Variants in NUDC observed in about 807,000 individuals in gnomAD.
NUDC encodes nuclear distribution C, dynein complex regulator.
In NUDC, 14 loss-of-function variants were observed where a neutral mutation model predicts 45.0. The ratio of observed to expected loss-of-function variants is 0.31; its 90% CI spans 0.21 to 0.49. The LOEUF (loss-of-function observed/expected upper bound fraction) is 0.49, where lower values mean the gene tolerates loss of function less well. NUDC is among the 20% of genes least tolerant of loss of function. The pLI, the probability that NUDC is intolerant of heterozygous loss-of-function variation, is 0.99. For synonymous variants in NUDC, 153 were observed against 156.7 expected (o/e 0.98, Z 0.17); for missense variants, 323 against 426.2 (o/e 0.76, Z 2.13).
intron 2 of NUDC, among the ~76,000 whole-genome samples, chr1:26,924,511 C>T (rs1438395838): frequency 1.3e-5 from 2 of 152,170 alleles, no homozygotes; most frequent in Non-Finnish European, 2.9e-5. Context: ...TCCTCTGCCC[C>T]GACACAGTGC....
chr1:26,905,168 T>A, intron 2 of NUDC, among the ~76,000 whole-genome samples: 1 of 139,656 alleles, frequency 7.2e-6, no homozygotes, highest in Non-Finnish European at 1.6e-5. Flanking sequence ...TTTTTTTTTT[T>A]TTTTTTTTTT....
chr1:26,943,298 C>T (rs998811072), intron 6 of NUDC, among the ~76,000 whole-genome samples: 2 of 152,276 alleles, frequency 1.3e-5, no homozygotes, highest in East Asian at 3.9e-4. Context: ...GCCTTGAACC[C>T]TTGGGCCCAA....
intron 2 of NUDC, among the ~76,000 whole-genome samples, chr1:26,909,014 G>A (rs549335746): frequency 8.6e-5 from 13 of 151,670 alleles, no homozygotes; most frequent in Admixed American, 4.6e-4. Flanking sequence ...TCACTCTGTC[G>A]CCCAAGCTGG....
At position 26,941,738 on chromosome 1, in the gene NUDC, T is replaced by C; in HGVS notation, c.364-15T>C. On this transcript the variant is annotated splice_polypyrimidine_tract_variant and intron_variant, in intron 3 of 8. Coordinates refer to ENST00000321265, the MANE Select transcript of NUDC (RefSeq NM_006600.4). Reference sequence around the variant, plus strand: ...AGTGGGGTCCTGTTGCCAACTGCTGTGCTCTTTGCCCCAGAAAAAGGATGC... The same window carrying C: ...AGTGGGGTCCTGTTGCCAACTGCTGCGCTCTTTGCCCCAGAAAAAGGATGC... 6.2e-7 allele frequency: 1 copy of C among 1,614,150 alleles called. No homozygotes were observed. Among genetic ancestry groups the C allele is most frequent in the Non-Finnish European group, 8.5e-7 (1 of 1,180,024 alleles).
intron 1 of NUDC, 162 bp downstream of exon 1, chr1:26,922,091 G>A: frequency 1.4e-6 from 1 of 714,570 alleles, no homozygotes; most frequent in Non-Finnish European, 2.4e-6. Flanking sequence ...CCCGCCAGCA[G>A]GTCTCACCCG....
chr1:26,941,801 G>A lies in NUDC; in HGVS notation c.412G>A (p.Asp138Asn). 6.2e-7 allele frequency: 1 copy of A among 1,613,282 alleles called. No homozygotes were observed. Among genetic ancestry groups the A allele is most frequent in the Non-Finnish European group, 8.5e-7 (1 of 1,180,024 alleles). ...GGCCCAGCTCAAGAACGGCAGCCTT[G>A]ACTCCCCAGGGAAGCAGGTGAGATG... ...HEAQLKNGSL[D>N]SPGKQDTEED... Residue 138 changes from aspartate (D) to asparagine (N), a missense_variant, in exon 4 of 9, where the codon GAC becomes AAC. By Grantham distance (23) the Asp-to-Asn change is conservative. Around this residue, in one of 3 missense-constraint regions of NUDC, gnomAD observed 245 missense variants for 278.8 expected, o/e 0.88. Coordinates refer to ENST00000321265, the MANE Select transcript of NUDC (RefSeq NM_006600.4).
At chr1:26,916,443 T>C (rs2082062210) in intron 3 of NUDC, among the ~76,000 whole-genome samples, 1 of 152,018 alleles carries the variant, frequency 6.6e-6, no homozygotes, top group Non-Finnish European at 1.5e-5. Context: ...CCTGAATATT[T>C]ATATTTATTT....
At chr1:26,939,324 G>A (rs1166795394) in intron 2 of NUDC, among the ~76,000 whole-genome samples, 4 of 150,522 alleles carry the variant, frequency 2.7e-5, no homozygotes, top group Non-Finnish European at 5.9e-5. Flanking sequence ...GGCCAAGACT[G>A]TTTTTAGAGA....
intron 2 of NUDC, among the ~76,000 whole-genome samples, chr1:26,930,886 G>A (rs2124111675): frequency 6.6e-6 from 1 of 151,516 alleles, no homozygotes; most frequent in South Asian, 2.1e-4. Context: ...CATGGTGGCA[G>A]GGGCCTGTAA....
At chr1:26,918,486 G>A (rs1204776451), upstream of NUDC, among the ~76,000 whole-genome samples, 1 of 151,876 alleles carries the variant, frequency 6.6e-6, no homozygotes, top group Admixed American at 6.6e-5. Context: ...ATTTTGGCCA[G>A]GCTGGTCTCG....
At chr1:26,936,274 C>G (rs1325084487) in intron 2 of NUDC, among the ~76,000 whole-genome samples, 1 of 133,204 alleles carries the variant, frequency 7.5e-6, no homozygotes, top group Non-Finnish European at 1.5e-5. Context: ...ACCACAACAT[C>G]TGTCTCCTGG....
At position 26,921,772 on chromosome 1, in the gene NUDC, C is replaced by T. The variant is rs2082092512; in HGVS notation, c.-77C>T. On this transcript the variant is annotated 5_prime_UTR_variant, in exon 1 of 9. Transcript: ENST00000321265. ...AAGGCGGACGACTAGAGTCGTTGGG[C>T]CCGGCGCGACCCGCAGGAGCGTAGA... 4 of 1,470,428 alleles carry T rather than the reference C, an allele frequency of 2.7e-6. No homozygotes were observed. Among genetic ancestry groups the T allele is most frequent in the South Asian group, 1.2e-5 (1 of 82,334 alleles). 91.1% of individuals were successfully genotyped at this position (1,470,428 alleles called of 1,614,324 possible). A position where few individuals can be genotyped will look rare whatever the true frequency, so the allele number is the denominator to read the frequency against.
rs2124148340 is a variant in NUDC at position 26,946,673 on chromosome 1, GA to G, written c.*495del. ...TTGAGACCAGCTTGGCCAACATGGAGAAACCCAGTCTCTACTAAAAATACAA... is the reference window on the plus strand; with the variant it reads ...TTGAGACCAGCTTGGCCAACATGGAGAACCCAGTCTCTACTAAAAATACAA... On this transcript the variant is annotated 3_prime_UTR_variant, in exon 9 of 9. Coordinates refer to ENST00000321265, the MANE Select transcript of NUDC (RefSeq NM_006600.4). 1.0e-5 allele frequency: 2 copies of G among 200,498 alleles called. No individual in the cohort carries two copies. The highest frequency in any genetic ancestry group is 5.3e-5 in the Admixed American group (1 of 18,926). 12.4% of individuals were successfully genotyped at this position (200,498 alleles called of 1,614,324 possible). A position where few individuals can be genotyped will look rare whatever the true frequency, so the allele number is the denominator to read the frequency against.
At position 26,921,752 on chromosome 1, in the gene NUDC, G is replaced by GGAC; in HGVS notation, c.-93_-91dup. Reference sequence around the variant, plus strand: ...TGTTTCCGGCTCCGCTGCGGAAGGCGGACGACTAGAGTCGTTGGGCCCGGC... The same window carrying GGAC: ...TGTTTCCGGCTCCGCTGCGGAAGGCGGACGACGACTAGAGTCGTTGGGCCCGGC... On this transcript the variant is annotated 5_prime_UTR_variant, in exon 1 of 9. Transcript: ENST00000321265. The GGAC allele has an allele frequency of 7.6e-7, 1 of 1,314,746 alleles. No individual in the cohort carries two copies. The highest frequency in any genetic ancestry group is 1.1e-6 in the Non-Finnish European group (1 of 938,650). The allele number at this position is 1,314,746 out of a possible 1,614,324, so 81.4% of individuals were successfully genotyped here.
intron 2 of NUDC, among the ~76,000 whole-genome samples, chr1:26,910,974 G>A (rs879036145): frequency 7.1e-6 from 1 of 140,438 alleles, no homozygotes; most frequent in African/African-American, 2.5e-5. Flanking sequence ...GTCATGGAAG[G>A]GTTTCAGACT....
At chr1:26,940,984 C>T (rs547692237) in intron 2 of NUDC, among the ~76,000 whole-genome samples, 9 of 150,470 alleles carry the variant, frequency 6.0e-5, no homozygotes, top group African/African-American at 1.5e-4. Flanking sequence ...TGCAGTGGCA[C>T]GATCTCTGCT....
chr1:26,907,756 T>A (rs908908402), intron 2 of NUDC, among the ~76,000 whole-genome samples: 1 of 152,204 alleles, frequency 6.6e-6, no homozygotes, highest in African/African-American at 2.4e-5. Flanking sequence ...AGGACAGGAA[T>A]CATGGCTCAG....
At chr1:26,900,165 T>C, upstream of NUDC, 2 of 1,612,332 alleles carry the variant, frequency 1.2e-6, no homozygotes, top group Non-Finnish European at 8.5e-7. Context: ...TGGAGTAGAG[T>C]CTCGAGTGGA....
chr1:26,911,907 G>T (rs777140276), intron 3 of NUDC: 3 of 1,614,176 alleles, frequency 1.9e-6, no homozygotes, highest in South Asian at 2.2e-5. Context: ...ATGATAGGGC[G>T]AAAGAAGAGG....
Sources: allele counts gnomAD v4.1 joint callset (sites outside exome capture counted in the v4.1 genomes callset), GRCh38; gene constraint gnomAD v4.1.1; regional missense constraint gnomAD v4.1.1; transcripts MANE v1.5; gene names NCBI Gene and HGNC (gene_info 2026-07-23, HGNC 2026-07-21).